The following STT3A variants were observed in gnomAD, a reference collection of about 807,000 sequenced individuals.
The protein encoded by STT3A is dolichyl-diphosphooligosaccharide--protein glycosyltransferase subunit STT3A.
A neutral mutation model predicts 89.2 loss-of-function variants in STT3A; 34 were observed. That is an observed-to-expected ratio of 0.38 (90% CI 0.29 to 0.51). The LOEUF is 0.51. Ranked by LOEUF, STT3A falls within the 20% of genes least tolerant of loss-of-function variation. The pLI is 0.89. For synonymous variants in STT3A, 282 were observed against 310.3 expected (o/e 0.91, Z 0.96); for missense variants, 555 against 889.5 (o/e 0.62, Z 4.78).
At chr11:125,618,919 A>G (rs1940260292) in intron 16 of STT3A, among the ~76,000 whole-genome samples, 1 of 151,948 alleles carries the variant, frequency 6.6e-6, no homozygotes, top group Non-Finnish European at 1.5e-5. Flanking sequence ...CTTTTTGTAG[A>G]GATGAGGTCT....
At chr11:125,592,718 A>G (rs950824405), upstream of STT3A, 1 of 288,946 alleles carries the variant, frequency 3.5e-6, no homozygotes, top group Non-Finnish European at 7.0e-6. Context: ...CCAATTAAAA[A>G]CTTGAATCGC....
At position 125,606,432 on chromosome 11, in the gene STT3A, A is replaced by G. The variant is rs756480861; in HGVS notation, c.747A>G (p.Ile249Met). The change falls in exon 8 of 18, where the codon ATA (isoleucine) becomes ATG (methionine). Residue 249 changes from isoleucine to methionine, a missense_variant. Physicochemically the swap from Ile to Met is conservative, Grantham distance 10. Transcript: ENST00000392708. The stretch of plus-strand genomic sequence containing the variant: ...GTACTGTTTACTGCCTGGGCACTAT[A>G]CTTTCTATGCAGATCTCCTTTGTGG... ...AYCTVYCLGTILSMQISFVGF... is the reference protein window; with the variant it reads ...AYCTVYCLGTMLSMQISFVGF... 4.3e-6 allele frequency: 7 copies of G among 1,613,746 alleles called. No homozygotes were observed. The East Asian group carries it at 8.9e-5, about 21-fold the overall frequency.
Position 125,614,342 on chromosome 11 carries a change from G to A in STT3A, c.1690G>A (p.Glu564Lys). The stretch of plus-strand genomic sequence containing the variant: ...TTTCCAGGCAATGGCGTCCACAGAG[G>A]AAAAAGCCTATGAGATCATGAGGGA... The part of the protein sequence containing the change: ...RVGQAMASTE[E>K]KAYEIMRELD... Residue 564 changes from glutamate (E) to lysine (K), a missense_variant, in exon 15 of 18, where the codon GAA becomes AAA. Physicochemically the swap from Glu to Lys is moderately conservative, Grantham distance 56. Transcript: ENST00000392708. This position sits in a 1 kb window ranked among gnomAD's most constrained non-coding sequence, Gnocchi z 4.9. 6.2e-7 allele frequency: 1 copy of A among 1,614,062 alleles called. No individual in the cohort carries two copies. Among genetic ancestry groups the A allele is most frequent in the Non-Finnish European group, 8.5e-7 (1 of 1,180,006 alleles).
intron 8 of STT3A, among the ~76,000 whole-genome samples, chr11:125,607,573 G>A (rs1211850454): frequency 6.6e-6 from 1 of 152,164 alleles, no homozygotes; most frequent in Non-Finnish European, 1.5e-5. Flanking sequence ...GCAAATTCTA[G>A]AGCCCCAACA....
chr11:125,592,515 C>G (rs1333619584), upstream of STT3A: 1 of 454,650 alleles, frequency 2.2e-6, no homozygotes, highest in Non-Finnish European at 4.4e-6. Context: ...TGTCACATGA[C>G]GGGAGTCAGT....
rs1315739768 is a variant in STT3A at position 125,608,241 on chromosome 11, C to G, written c.913C>G (p.Leu305Val). The G allele has an allele frequency of 6.2e-7, 1 of 1,614,188 alleles. No individual in the cohort carries two copies. The highest frequency in any genetic ancestry group is 2.2e-5 in the East Asian group (1 of 44,882). Residue 305 changes from leucine to valine, a missense_variant, in exon 9 of 18, where the codon CTG (leucine) becomes GTG (valine). By Grantham distance (32) the Leu-to-Val change is conservative. Transcript: ENST00000392708. ...AGTTCTTTTCCGGAGCGTCATCTCT[C>G]TGGTAGGCTTTGTCCTTCTCACCGT... ...FEVLFRSVIS[L>V]VGFVLLTVGA...
intron 15 of STT3A, among the ~76,000 whole-genome samples, chr11:125,617,898 C>G (rs1940225327): frequency 6.6e-6 from 1 of 152,180 alleles, no homozygotes; most frequent in South Asian, 2.1e-4. Context: ...ATAGTCATAT[C>G]AAAACATTAT....
At chr11:125,596,429 C>T (rs1422912827) in intron 2 of STT3A, among the ~76,000 whole-genome samples, 2 of 152,186 alleles carry the variant, frequency 1.3e-5, no homozygotes, top group African/African-American at 4.8e-5. Flanking sequence ...TGCACCACTG[C>T]ACTCTAGCCT....
chr11:125,602,624 T>G (rs1281655348), intron 4 of STT3A, 179 bp from the exon 5 acceptor site: 16 of 1,067,904 alleles, frequency 1.5e-5, no homozygotes, highest in African/African-American at 4.8e-5. Context: ...TTATACATTC[T>G]AGACTTCTGA....
chr11:125,611,543 G>A (rs1940014834), intron 11 of STT3A, 24 bp downstream of exon 11: 1 of 1,606,322 alleles, frequency 6.2e-7, no homozygotes, highest in Non-Finnish European at 8.5e-7. Context: ...CAGTCTGGTA[G>A]ACTTTTTCAC....
At chr11:125,604,043 G>A (rs569074719) in intron 5 of STT3A, 114 bp from the exon 6 acceptor site, 11 of 1,092,606 alleles carry the variant, frequency 1.0e-5, no homozygotes, top group African/African-American at 6.3e-5. Flanking sequence ...ATCTACCTTC[G>A]AAATTGTTGG....
intron 8 of STT3A, among the ~76,000 whole-genome samples, chr11:125,607,282 G>T (rs1282624965): frequency 7.2e-5 from 11 of 152,182 alleles, no homozygotes; most frequent in Admixed American, 6.5e-4. Context: ...TAGGCTAGGC[G>T]TATTAAATGC....
chr11:125,592,274 G>C (rs1216438081), upstream of STT3A: 1 of 391,408 alleles, frequency 2.6e-6, no homozygotes, highest in Non-Finnish European at 5.1e-6. Context: ...CCAAGGCACA[G>C]TAAAAGCTCG....
intron 8 of STT3A, among the ~76,000 whole-genome samples, chr11:125,607,074 T>C (rs372258122): frequency 6.6e-6 from 1 of 152,204 alleles, no homozygotes; most frequent in African/African-American, 2.4e-5. Flanking sequence ...GTGATCTGCA[T>C]TGAGTAGAAA....
chr11:125,607,622 G>A (rs902915355), intron 8 of STT3A, among the ~76,000 whole-genome samples: 3 of 152,234 alleles, frequency 2.0e-5, no homozygotes, highest in Admixed American at 2.0e-4. Flanking sequence ...GTGGGGCTCA[G>A]CGATCTGTGC....
In STT3A at chr11:125,613,460, A is replaced by C. The variant is rs1429017654; in HGVS notation, c.1554+283A>C. Among the ~76,000 whole-genome samples the C allele has an allele frequency of 6.6e-6, 1 of 152,242 alleles. No individual in the cohort carries two copies. The highest frequency in any genetic ancestry group is 1.5e-5 in the Non-Finnish European group (1 of 68,030). ...CCAGTTATAAAAGAAGAAAAAAGTT[A>C]TAGATAAATAATACATGTTCACTTT... On this transcript the variant is annotated intron_variant, in intron 13 of 17. Transcript: ENST00000392708. The surrounding 1 kb of genome is among the most constrained non-coding windows in gnomAD (Gnocchi z 4.2).
In STT3A at chr11:125,605,622, T is replaced by C; in HGVS notation, c.509-7T>C. On this transcript the variant is annotated splice_region_variant and splice_polypyrimidine_tract_variant and intron_variant, in intron 6 of 17. Transcript: ENST00000392708. ...CTTGTTGAATTTTTGGTGTGTCCTT[T>C]CTGCAGGGATTGCCATCTTTTGCAT... 2 of 1,611,880 alleles carry C rather than the reference T, an allele frequency of 1.2e-6. No individual in the cohort carries two copies. Among genetic ancestry groups the C allele is most frequent in the Non-Finnish European group, 8.5e-7 (1 of 1,178,400 alleles).
chr11:125,618,613 A>C, intron 16 of STT3A, 52 bp downstream of exon 16: 6 of 1,506,660 alleles, frequency 4.0e-6, no homozygotes, highest in Non-Finnish European at 3.6e-6. Context: ...GTGATTACTA[A>C]TACACAGTAT....
Position 125,614,090 on chromosome 11 carries a change from G to A in STT3A, c.1558G>A (p.Ala520Thr), listed in dbSNP as rs1283972006. ...YWLRHNTPEDAKVMSWWDYGY... is the reference protein window; with the variant it reads ...YWLRHNTPEDTKVMSWWDYGY... ...CCATTTCCCATTCTACTTTCAGGAT[G>A]CGAAGGTCATGTCCTGGTGGGATTA... The change falls in exon 14 of 18, where the codon GCG becomes ACG. Residue 520 changes from alanine (A) to threonine (T), a missense_variant. Physicochemically the swap from Ala to Thr is moderately conservative, Grantham distance 58. This residue lies in a region of STT3A where 273 missense variants were observed against 449.8 expected (regional missense o/e 0.61). Coordinates refer to ENST00000392708, the MANE Select transcript of STT3A (RefSeq NM_152713.5). The surrounding 1 kb of genome is among the most constrained non-coding windows in gnomAD (Gnocchi z 4.9). 7 of 1,613,868 alleles carry A rather than the reference G, an allele frequency of 4.3e-6. No individual in the cohort carries two copies. The highest frequency in any genetic ancestry group is 5.9e-6 in the Non-Finnish European group (7 of 1,179,818).
Sources: allele counts gnomAD v4.1 joint callset (sites outside exome capture counted in the v4.1 genomes callset), GRCh38; gene constraint gnomAD v4.1.1; regional missense constraint gnomAD v4.1.1; non-coding constraint Gnocchi (gnomAD v3.1); transcripts MANE v1.5; gene names NCBI Gene and HGNC (gene_info 2026-07-23, HGNC 2026-07-21).